SLC6A4: variants seen among roughly 807,000 people sequenced by gnomAD.
SLC6A4 encodes solute carrier family 6 member 4.
In SLC6A4, 22 loss-of-function variants were observed where a neutral mutation model predicts 73.4. The ratio of observed to expected loss-of-function variants is 0.30; its 90% CI spans 0.21 to 0.43. The LOEUF is 0.43. Ranked by LOEUF, SLC6A4 falls within the 20% of genes least tolerant of loss-of-function variation. The probability of loss-of-function intolerance (pLI) is 1.00; values close to 1 mark genes in which losing one functional copy is unlikely to be tolerated. For synonymous variants in SLC6A4, 270 were observed against 315.5 expected (o/e 0.86, Z 1.53); for missense variants, 593 against 808.5 (o/e 0.73, Z 3.23).
chr17:30,213,161 C>T (rs1469350281), intron 8 of SLC6A4, among the ~76,000 whole-genome samples: 1 of 152,220 alleles, frequency 6.6e-6, no homozygotes, highest in African/African-American at 2.4e-5. Context: ...TTCAAACCAG[C>T]CTTGTTCTGG....
At chr17:30,222,978 C>CG in intron 1 of SLC6A4, 63 bp from the exon 2 acceptor site, 1 of 519,260 alleles carries the variant, frequency 1.9e-6, no homozygotes, top group Non-Finnish European at 3.5e-6. Context: ...CCCCCTGTGC[C>CG]TCCACTGGGA....
chr17:30,217,384 G>T, intron 5 of SLC6A4, 80 bp from the exon 6 acceptor site: 1 of 1,426,168 alleles, frequency 7.0e-7, no homozygotes, highest in Non-Finnish European at 9.5e-7. Context: ...TCCTTTGAGG[G>T]TGCCCGGGAC....
chr17:30,218,146 A>C lies in SLC6A4; in HGVS notation c.670T>G (p.Ser224Ala). The C allele has an allele frequency of 1.1e-5, 17 of 1,614,202 alleles. No individual in the cohort carries two copies. The highest frequency in any genetic ancestry group is 1.4e-5 in the Non-Finnish European group (17 of 1,180,018). Reference sequence around the variant, plus strand: ...TAAAATTCTTCAGCAGGGGACGTGGAATGGAGGGTCCAGGTGATGTTGTCC... The same window carrying C: ...TAAAATTCTTCAGCAGGGGACGTGGCATGGAGGGTCCAGGTGATGTTGTCC... Reference protein sequence around the residue: ...SEDNITWTLHSTSPAEEFYTR... With the variant: ...SEDNITWTLHATSPAEEFYTR... Residue 224 changes from serine to alanine, a missense_variant, in exon 5 of 15, where the codon TCC (serine) becomes GCC (alanine). Ser to Ala is a moderately conservative substitution (Grantham distance 99, BLOSUM62 1). Transcript: ENST00000650711.
chr17:30,230,014 C>T (rs1907036142), intron 1 of SLC6A4, among the ~76,000 whole-genome samples: 2 of 143,140 alleles, frequency 1.4e-5, no homozygotes, highest in Admixed American at 7.2e-5. Flanking sequence ...AGCGAAACTC[C>T]ATCTCAAAAA....
intron 14 of SLC6A4, among the ~76,000 whole-genome samples, chr17:30,200,628 A>C (rs956236590): frequency 1.3e-5 from 2 of 152,218 alleles, no homozygotes; most frequent in Non-Finnish European, 2.9e-5. Context: ...AAAGTTACAG[A>C]CTAGCAAGTC....
In SLC6A4 at chr17:30,198,397, G is replaced by T; in HGVS notation, c.*59C>A. 1 of 932,206 alleles carries T rather than the reference G, an allele frequency of 1.1e-6. No individual in the cohort carries two copies. The highest frequency in any genetic ancestry group is 1.7e-6 in the Non-Finnish European group (1 of 580,456). The allele number at this position is 932,206 out of a possible 1,614,324, so 57.7% of individuals were successfully genotyped here. On this transcript the variant is annotated 3_prime_UTR_variant, in exon 15 of 15. Transcript: ENST00000650711. The stretch of plus-strand genomic sequence containing the variant: ...CACTTGGAGGGGAGAAGGCAGGCGT[G>T]CCTCATCAGAACTGGAGGAGGAGGT...
chr17:30,203,157 CT>C lies in SLC6A4; in HGVS notation c.1818+14del. 3 of 1,601,056 alleles carry C rather than the reference CT, an allele frequency of 1.9e-6. No homozygotes were observed. The highest frequency in any genetic ancestry group is 2.6e-6 in the Non-Finnish European group (3 of 1,168,746). On this transcript the variant is annotated intron_variant, in intron 14 of 14. Transcript: ENST00000650711. ...TAGTCTGAACACACACATATACACA[CT>C]AACTAGCACGTACCTCTTTAAATGT...
chr17:30,200,207 T>G (rs1215427433), intron 14 of SLC6A4, among the ~76,000 whole-genome samples: 2 of 152,224 alleles, frequency 1.3e-5, no homozygotes, highest in Non-Finnish European at 2.9e-5. Context: ...CCACATGGGC[T>G]GCTGCCCTGT....
chr17:30,226,883 G>GAAAAAGAAAGAA (rs1567823238), intron 1 of SLC6A4, among the ~76,000 whole-genome samples: 1,381 of 54,774 alleles, frequency 0.025, 24 homozygotes, highest in African/African-American at 0.14. Context: ...AAAAAAAAAA[G>GAAAAAGAAAGAA]AAAAAGAAAG....
At chr17:30,212,271 T>C (rs1906411528) in intron 9 of SLC6A4, among the ~76,000 whole-genome samples, 1 of 152,258 alleles carries the variant, frequency 6.6e-6, no homozygotes. Context: ...AGAGTCATCA[T>C]TTCAAGCCCA....
intron 3 of SLC6A4, among the ~76,000 whole-genome samples, 156 bp downstream of exon 3, chr17:30,221,460 C>A (rs1477559445): frequency 6.8e-6 from 1 of 146,100 alleles, no homozygotes; most frequent in Non-Finnish European, 1.5e-5. Context: ...CACAGCCCAC[C>A]CCAGGTCACA....
chr17:30,230,727 GAGA>G (rs765947808), intron 1 of SLC6A4, among the ~76,000 whole-genome samples: 4 of 152,158 alleles, frequency 2.6e-5, no homozygotes, highest in Non-Finnish European at 4.4e-5. Flanking sequence ...GCATGGAGGG[GAGA>G]AGGAGAGGTG....
intron 8 of SLC6A4, among the ~76,000 whole-genome samples, 157 bp from the exon 9 acceptor site, chr17:30,213,024 C>T (rs34149483): frequency 0.054 from 8,208 of 152,282 alleles, 695 homozygotes; most frequent in African/African-American, 0.18. Context: ...GGAGTCCCTT[C>T]GCCTTCTCCC....
intron 6 of SLC6A4, among the ~76,000 whole-genome samples, chr17:30,216,793 C>T (rs538066733): frequency 2.0e-5 from 3 of 151,912 alleles, no homozygotes; most frequent in Non-Finnish European, 2.9e-5. Flanking sequence ...CTCAGCCTCC[C>T]GAGTAGCTGG....
At chr17:30,218,419 A>T in intron 4 of SLC6A4, 82 bp from the exon 5 acceptor site, 4 of 1,041,280 alleles carry the variant, frequency 3.8e-6, no homozygotes, top group Non-Finnish European at 5.8e-6. Context: ...GGCACTGGAG[A>T]GCCCCGCAGC....
At chr17:30,213,640 A>G (rs1234428443) in intron 8 of SLC6A4, among the ~76,000 whole-genome samples, 1 of 152,190 alleles carries the variant, frequency 6.6e-6, no homozygotes, top group Non-Finnish European at 1.5e-5. Flanking sequence ...CTTTAAAAAA[A>G]TCAGTTTTAC....
intron 5 of SLC6A4, 33 bp from the exon 6 acceptor site, chr17:30,217,337 G>A: frequency 6.2e-7 from 1 of 1,604,532 alleles, no homozygotes; most frequent in Middle Eastern, 1.7e-4. Context: ...GCCCCTGAGA[G>A]GCTCTGTAGA....
At chr17:30,231,816 C>A (rs549188348) in intron 1 of SLC6A4, among the ~76,000 whole-genome samples, 1 of 152,156 alleles carries the variant, frequency 6.6e-6, no homozygotes, top group African/African-American at 2.4e-5. Flanking sequence ...CCTGTTCCTT[C>A]GGCCCAGCTC....
intron 13 of SLC6A4, among the ~76,000 whole-genome samples, chr17:30,205,605 G>C (rs1906167766): frequency 6.6e-6 from 1 of 152,178 alleles, no homozygotes; most frequent in Non-Finnish European, 1.5e-5. Context: ...AGCTGATAAG[G>C]TCATAAGGAG....
Sources: gnomAD v4.1 joint callset for allele counts (sites outside exome capture counted in the v4.1 genomes callset) on GRCh38, gnomAD v4.1.1 for gene constraint, MANE v1.5 for transcripts, NCBI Gene and HGNC (gene_info 2026-07-23, HGNC 2026-07-21) for gene names.